GAREM1: variants seen among roughly 807,000 people sequenced by gnomAD.
GAREM1 encodes GRB2 associated regulator of MAPK1 subtype 1.
A neutral mutation model predicts 71.3 loss-of-function variants in GAREM1; 26 were observed. The observed-to-expected ratio is 0.36, with a 90% CI of 0.27 to 0.51. The LOEUF (loss-of-function observed/expected upper bound fraction) is 0.51. Ranked by LOEUF, GAREM1 falls within the 20% of genes least tolerant of loss-of-function variation. The pLI, the probability that GAREM1 is intolerant of heterozygous loss-of-function variation, is 0.95. For missense variants in GAREM1, 1,026 were observed against 1,103.1 expected, an observed-to-expected ratio of 0.93 and a Z score of 0.99; for synonymous variants, 440 against 433.2, an observed-to-expected ratio of 1.02 and a Z score of -0.20.
chr18:32,377,481 C>G (rs1382037720), intron 2 of GAREM1, among the ~76,000 whole-genome samples: 1 of 152,206 alleles, frequency 6.6e-6, no homozygotes, highest in African/African-American at 2.4e-5. Flanking sequence ...ATTAGCAACA[C>G]TTGTGGACCA....
intron 3 of GAREM1, among the ~76,000 whole-genome samples, chr18:32,304,337 A>C (rs960156048): frequency 2.0e-5 from 3 of 152,152 alleles, no homozygotes; most frequent in Admixed American, 6.5e-5. Context: ...AAAATAAAAA[A>C]TAAAAGAAAA....
rs575850651 is a variant in GAREM1 at position 32,412,407 on chromosome 18, C to A, written c.122-19372G>T. On this transcript the variant is annotated intron_variant, in intron 1 of 5. Coordinates refer to ENST00000269209, the MANE Select transcript of GAREM1 (RefSeq NM_001242409.2). ...ATTGCCAAAATCATTGTAGCTTCCA[C>A]CACCTCCAAAATTGCTTCCATCATT... 5.7e-6 allele frequency: 9 copies of A among 1,584,756 alleles called. No homozygotes were observed. The African/African-American group carries it at 9.4e-5, about 16-fold the overall frequency.
In GAREM1 at chr18:32,287,149, C is replaced by A. The variant is rs1423213640; in HGVS notation, c.1448G>T (p.Gly483Val). The A allele has an allele frequency of 6.2e-7, 1 of 1,614,242 alleles. No individual in the cohort carries two copies. Among genetic ancestry groups the A allele is most frequent in the East Asian group, 2.2e-5 (1 of 44,884 alleles). Residue 483 changes from glycine to valine, a missense_variant, in exon 4 of 6, where the codon GGT (glycine) becomes GTT (valine). By Grantham distance (109) the Gly-to-Val change is moderately radical. Around this residue, in one of 3 missense-constraint regions of GAREM1, gnomAD observed 636 missense variants for 631.2 expected, o/e 1.01. Transcript: ENST00000269209. The surrounding 1 kb of genome is among the most constrained non-coding windows in gnomAD (Gnocchi z 5.9). The part of the protein sequence containing the change: ...SEKNRCDQFR[G>V]SVRSKCATSP... ...AGTCGCACATTTGGATCGGACAGAA[C>A]CTCTAAACTGATCACATCTGTTCTT...
Position 32,287,800 on chromosome 18 carries a change from C to T in GAREM1, c.797G>A (p.Arg266His), listed in dbSNP as rs760845187. Residue 266 changes from arginine to histidine, a missense_variant, in exon 4 of 6, where the codon CGT becomes CAT. Around this residue, in one of 3 missense-constraint regions of GAREM1, gnomAD observed 218 missense variants for 296.8 expected, o/e 0.73. Transcript: ENST00000269209. The surrounding 1 kb of genome is among the most constrained non-coding windows in gnomAD (Gnocchi z 5.9). ...PRNPYDLHFI[R>H]EGHRYKFVNI... ...CACAAACTTATAGCGGTGCCCCTCA[C>T]GGATGAAGTGGAGGTCGTATGGGTT... 18 of 1,613,094 alleles carry T rather than the reference C, an allele frequency of 1.1e-5. No individual in the cohort carries two copies. The highest frequency in any genetic ancestry group is 2.7e-5 in the African/African-American group (2 of 74,574).
At chr18:32,336,429 C>CA (rs35803922) in intron 2 of GAREM1, among the ~76,000 whole-genome samples, 6,780 of 72,114 alleles carry the variant, frequency 0.094, 307 homozygotes, top group Middle Eastern at 0.14. Context: ...GACTCCGTCT[C>CA]AAAAAAAAAA....
chr18:32,450,671 A>G (rs1370977417), intron 1 of GAREM1, among the ~76,000 whole-genome samples: 1 of 152,184 alleles, frequency 6.6e-6, no homozygotes, highest in African/African-American at 2.4e-5. Flanking sequence ...GCCACAAATT[A>G]TCTTGCTGCT....
At chr18:32,364,295 A>G (rs960918722) in intron 2 of GAREM1, among the ~76,000 whole-genome samples, 6 of 151,448 alleles carry the variant, frequency 4.0e-5, no homozygotes, top group Non-Finnish European at 8.8e-5. Flanking sequence ...TCAGCCTCCC[A>G]AAGTGCTGAG....
intron 1 of GAREM1, among the ~76,000 whole-genome samples, chr18:32,418,253 T>A (rs748693521): frequency 2.0e-5 from 3 of 152,204 alleles, no homozygotes; most frequent in Non-Finnish European, 2.9e-5. Flanking sequence ...ATAGTCAAAA[T>A]TAGCGACTTT....
At chr18:32,462,193 A>G (rs2048959052) in intron 1 of GAREM1, among the ~76,000 whole-genome samples, 1 of 152,236 alleles carries the variant, frequency 6.6e-6, no homozygotes, top group Admixed American at 6.5e-5. Context: ...GAACCTCCAT[A>G]CTGTTTTCCA....
chr18:32,347,201 A>G (rs2047705003), intron 2 of GAREM1, among the ~76,000 whole-genome samples: 1 of 152,194 alleles, frequency 6.6e-6, no homozygotes, highest in Non-Finnish European at 1.5e-5. Flanking sequence ...CTTAGTAACA[A>G]TACCATTATA....
At chr18:32,371,247 G>A (rs1184117505) in intron 2 of GAREM1, among the ~76,000 whole-genome samples, 1 of 152,130 alleles carries the variant, frequency 6.6e-6, no homozygotes, top group Non-Finnish European at 1.5e-5. Context: ...GTCATACTGG[G>A]GAGCTTGGCC....
chr18:32,302,332 A>G (rs1005339944), intron 3 of GAREM1, among the ~76,000 whole-genome samples: 2 of 152,232 alleles, frequency 1.3e-5, no homozygotes, highest in African/African-American at 4.8e-5. Flanking sequence ...TGTAATGATT[A>G]TAACAACTCA....
At chr18:32,298,939 TTATA>T in intron 3 of GAREM1, among the ~76,000 whole-genome samples, 1 of 151,784 alleles carries the variant, frequency 6.6e-6, no homozygotes, top group South Asian at 2.1e-4. Flanking sequence ...TAAATGGTGT[TTATA>T]TATATATATT....
chr18:32,419,007 G>A (rs1360256976), intron 1 of GAREM1, among the ~76,000 whole-genome samples: 2 of 152,182 alleles, frequency 1.3e-5, no homozygotes, highest in African/African-American at 4.8e-5. Flanking sequence ...TTCTCATCTG[G>A]AATTCAGGGT....
chr18:32,417,395 T>C (rs1265840410), intron 1 of GAREM1, among the ~76,000 whole-genome samples: 1 of 152,172 alleles, frequency 6.6e-6, no homozygotes, highest in Non-Finnish European at 1.5e-5. Context: ...AGGAAATCAG[T>C]ATAACAAGGA....
chr18:32,448,104 T>C (rs575903209), intron 1 of GAREM1, among the ~76,000 whole-genome samples: 2 of 152,284 alleles, frequency 1.3e-5, no homozygotes, highest in South Asian at 4.2e-4. Flanking sequence ...GGATCTCTCT[T>C]GCCCCATTGT....
chr18:32,405,134 A>G (rs920469652), intron 1 of GAREM1, among the ~76,000 whole-genome samples: 4 of 152,194 alleles, frequency 2.6e-5, no homozygotes, highest in Admixed American at 6.5e-5. Context: ...CTTTTCATGT[A>G]GAAAGGAAAC....
At chr18:32,468,691 T>C (rs2049020421) in intron 1 of GAREM1, among the ~76,000 whole-genome samples, 1 of 152,098 alleles carries the variant, frequency 6.6e-6, no homozygotes, top group Admixed American at 6.6e-5. Context: ...CCTTTAAACT[T>C]TCAGTTTAAT....
intron 2 of GAREM1, among the ~76,000 whole-genome samples, chr18:32,378,067 C>T (rs954503824): frequency 7.8e-5 from 11 of 140,172 alleles, no homozygotes; most frequent in Admixed American, 2.7e-4. Context: ...TGCGCGCGGG[C>T]GCTTTGGAGG....
Sources: gnomAD v4.1 joint callset for allele counts (sites outside exome capture counted in the v4.1 genomes callset) on GRCh38, gnomAD v4.1.1 for gene constraint, gnomAD v4.1.1 regional missense constraint, Gnocchi (gnomAD v3.1) non-coding constraint, MANE v1.5 for transcripts, NCBI Gene and HGNC (gene_info 2026-07-23, HGNC 2026-07-21) for gene names.